Variants in CTNNA2 observed in about 807,000 individuals in gnomAD.
CTNNA2 encodes catenin alpha-2.
CTNNA2 carries 42 observed loss-of-function variants against 101.0 expected under a neutral mutation model. That is an observed-to-expected ratio of 0.42 (90% confidence interval 0.32 to 0.54). The LOEUF (loss-of-function observed/expected upper bound fraction) is 0.54, where lower values mean the gene tolerates loss of function less well. CTNNA2 is among the 20% of genes least tolerant of loss of function. CTNNA2 has a pLI of 0.14. For synonymous variants in CTNNA2, 450 were observed against 456.4 expected (o/e 0.99, Z 0.18); for missense variants, 871 against 1,223.1 (o/e 0.71, Z 4.29).
intron 4 of CTNNA2, among the ~76,000 whole-genome samples, chr2:79,392,110 A>G (rs908494014): frequency 6.6e-6 from 1 of 152,166 alleles, no homozygotes; most frequent in African/African-American, 2.4e-5. Context: ...GCTCCAACAT[A>G]TGAATTTTGT....
intron 7 of CTNNA2, among the ~76,000 whole-genome samples, chr2:80,278,876 G>A (rs1334375267): frequency 6.6e-6 from 1 of 152,002 alleles, no homozygotes; most frequent in African/African-American, 2.4e-5. Flanking sequence ...GCTGAGGCAG[G>A]AGGATCACTT....
intron 13 of CTNNA2, among the ~76,000 whole-genome samples, chr2:80,580,899 C>T (rs2111867): frequency 0.37 from 56,082 of 151,814 alleles, 10,543 homozygotes; most frequent in East Asian, 0.57. Context: ...ACCTGTAATC[C>T]CAGCTACTTG....
intron 4 of CTNNA2, among the ~76,000 whole-genome samples, chr2:79,432,144 C>T (rs1265898958): frequency 1.3e-5 from 2 of 152,142 alleles, no homozygotes; most frequent in East Asian, 1.9e-4. Context: ...GGCTGGTTTG[C>T]CCCCCTCTGG....
In CTNNA2 at chr2:79,251,510, G is replaced by A. The variant is rs74529925; in HGVS notation, c.-406+53434G>A. 5.9e-3 allele frequency among the ~76,000 whole-genome samples: 892 copies of A among 152,250 alleles called. 7 individuals carry two copies. Among genetic ancestry groups the A allele is most frequent in the Middle Eastern group, 0.014 (4 of 294 alleles). ...ACTCACTTCTAACCAATAGTGTACA[G>A]CAGAGTGATGGAATGTCACTTCCAA... On this transcript the variant is annotated intron_variant, in intron 2 of 21. Transcript: ENST00000466387.
At chr2:79,987,454 A>G (rs1228719410) in intron 7 of CTNNA2, among the ~76,000 whole-genome samples, 1 of 152,202 alleles carries the variant, frequency 6.6e-6, no homozygotes, top group Non-Finnish European at 1.5e-5. Flanking sequence ...GGGCAAGTTA[A>G]TCTTCGAGAG....
intron 7 of CTNNA2, among the ~76,000 whole-genome samples, chr2:80,128,136 A>C (rs1702235169): frequency 1.3e-5 from 2 of 152,100 alleles, no homozygotes; most frequent in African/African-American, 4.8e-5. Flanking sequence ...GGAAAAGCAA[A>C]TCATGCCTCA....
At position 79,670,229 on chromosome 2, in the gene CTNNA2, G is replaced by T. The variant is rs552362631; in HGVS notation, c.102+18571G>T. Among the ~76,000 whole-genome samples, 531 of 152,306 alleles carry T rather than the reference G, an allele frequency of 3.5e-3. 4 individuals carry two copies. The highest frequency in any genetic ancestry group is 0.012 in the African/African-American group (506 of 41,576). On this transcript the variant is annotated intron_variant, in intron 2 of 18. Coordinates refer to ENST00000402739, the MANE Select transcript of CTNNA2 (RefSeq NM_001282597.3). ...TTGCTTCCTGGAGTGGGAAGCCCAG[G>T]TCTGCAGCCGGGTGTCCAGCAGCTG...
chr2:79,860,659 T>C (rs1681551562), intron 4 of CTNNA2, among the ~76,000 whole-genome samples: 1 of 150,426 alleles, frequency 6.6e-6, no homozygotes, highest in Non-Finnish European at 1.5e-5. Context: ...GATTGTAGAC[T>C]AAATAACACA....
chr2:79,221,443 C>G (rs1674344235), intron 2 of CTNNA2, among the ~76,000 whole-genome samples: 1 of 152,184 alleles, frequency 6.6e-6, no homozygotes, highest in Non-Finnish European at 1.5e-5. Context: ...GCCACTGCAG[C>G]TGGCAAAAAT....
intron 7 of CTNNA2, among the ~76,000 whole-genome samples, chr2:79,924,644 C>T (rs1390939026): frequency 6.6e-6 from 1 of 152,070 alleles, no homozygotes; most frequent in Non-Finnish European, 1.5e-5. Context: ...GTTTTGTACC[C>T]TAACTTGACC....
At chr2:80,141,184 A>G (rs1262702870) in intron 7 of CTNNA2, among the ~76,000 whole-genome samples, 1 of 152,088 alleles carries the variant, frequency 6.6e-6, no homozygotes, top group Non-Finnish European at 1.5e-5. Context: ...AAGGGTGATG[A>G]GTCACTCAGG....
chr2:80,463,080 G>A (rs1230021227), intron 9 of CTNNA2, among the ~76,000 whole-genome samples: 2 of 152,096 alleles, frequency 1.3e-5, no homozygotes, highest in East Asian at 3.9e-4. Context: ...GTGATGCGAT[G>A]CTTACTTGAC....
chr2:80,383,682 G>A (rs920660501), intron 7 of CTNNA2, among the ~76,000 whole-genome samples: 2 of 152,012 alleles, frequency 1.3e-5, no homozygotes, highest in Admixed American at 6.6e-5. Context: ...GAAGGAGGAC[G>A]TTTGTGAGTT....
At chr2:80,406,773 G>A (rs2149387672) in intron 8 of CTNNA2, among the ~76,000 whole-genome samples, 1 of 144,778 alleles carries the variant, frequency 6.9e-6, no homozygotes, top group South Asian at 2.2e-4. Context: ...CTTGCAGTGA[G>A]CCAAGATTGG....
intron 1 of CTNNA2, among the ~76,000 whole-genome samples, chr2:79,525,489 A>C (rs1672353084): frequency 6.6e-6 from 1 of 151,938 alleles, no homozygotes; most frequent in Admixed American, 6.6e-5. Context: ...AAACCCTGTG[A>C]GCCATTCTAT....
At chr2:80,604,044 T>C in intron 15 of CTNNA2, 30 bp from the exon 16 acceptor site, 1 of 1,584,078 alleles carries the variant, frequency 6.3e-7, no homozygotes, top group Non-Finnish European at 8.7e-7. Flanking sequence ...ATTAAGTGGA[T>C]TTCTAATTAT....
intron 3 of CTNNA2, among the ~76,000 whole-genome samples, chr2:79,334,365 A>G (rs1360104396): frequency 6.6e-6 from 1 of 151,974 alleles, no homozygotes; most frequent in Non-Finnish European, 1.5e-5. Flanking sequence ...TTTCTGCACT[A>G]TGCCAAAAAA....
At chr2:79,640,729 G>A (rs1464295051) in intron 1 of CTNNA2, among the ~76,000 whole-genome samples, 1 of 152,034 alleles carries the variant, frequency 6.6e-6, no homozygotes, top group East Asian at 1.9e-4. Context: ...ATAAATATTT[G>A]GATATTTCAT....
At chr2:79,689,327 G>A (rs1849048) in intron 2 of CTNNA2, among the ~76,000 whole-genome samples, 2 of 151,666 alleles carry the variant, frequency 1.3e-5, no homozygotes, top group Non-Finnish European at 2.9e-5. Context: ...GCAGATTATC[G>A]TTGGAAAATA....
Sources: gnomAD v4.1 joint callset for allele counts (sites outside exome capture counted in the v4.1 genomes callset) on GRCh38, gnomAD v4.1.1 for gene constraint, MANE v1.5 for transcripts, NCBI Gene and HGNC (gene_info 2026-07-23, HGNC 2026-07-21) for gene names.